The following SLC44A5 variants were observed in gnomAD, a reference collection of about 807,000 sequenced individuals.
The protein encoded by SLC44A5 is solute carrier family 44 member 5.
A neutral mutation model predicts 101.8 loss-of-function variants in SLC44A5; 57 were observed. The ratio of observed to expected loss-of-function variants is 0.56; its 90% CI spans 0.45 to 0.70. SLC44A5 has a LOEUF of 0.70. Among genes scored for constraint, SLC44A5 ranks in the 30% least tolerant of loss-of-function variants. SLC44A5 has a pLI of 0.00. For synonymous variants in SLC44A5, 281 were observed against 290.9 expected (o/e 0.97, Z 0.35); for missense variants, 737 against 853.1 (o/e 0.86, Z 1.70).
intron 1 of SLC44A5, among the ~76,000 whole-genome samples, chr1:75,576,117 G>A (rs1673346886): frequency 6.6e-6 from 1 of 151,868 alleles, no homozygotes; most frequent in East Asian, 1.9e-4. Context: ...TGGGGGCGGG[G>A]AGTGGGAGAG....
chr1:75,701,179 C>T, the SLC44A5 span, among the ~76,000 whole-genome samples: 8 of 152,156 alleles, frequency 5.3e-5, no homozygotes, highest in Non-Finnish European at 1.0e-4. Flanking sequence ...CATCCTGATA[C>T]CAAAGCCTGG....
chr1:75,391,109 T>A (rs1044997688), intron 3 of SLC44A5, among the ~76,000 whole-genome samples: 1 of 151,578 alleles, frequency 6.6e-6, no homozygotes, highest in Non-Finnish European at 1.5e-5. Context: ...AAAAATAAAA[T>A]AAAATACCTA....
At chr1:75,411,826 T>C (rs913684531) in intron 2 of SLC44A5, among the ~76,000 whole-genome samples, 5 of 152,136 alleles carry the variant, frequency 3.3e-5, no homozygotes, top group African/African-American at 9.7e-5. Flanking sequence ...TTAACAGCTG[T>C]CACAGCACAA....
chr1:75,238,000 T>A (rs1298215082), intron 10 of SLC44A5, among the ~76,000 whole-genome samples: 1 of 152,006 alleles, frequency 6.6e-6, no homozygotes, highest in Non-Finnish European at 1.5e-5. Flanking sequence ...ACCATGTGTG[T>A]AGAGCCAAGG....
At position 75,327,210 on chromosome 1, in the gene SLC44A5, G is replaced by A. The variant is rs576424400; in HGVS notation, c.101+12372C>T. The stretch of plus-strand genomic sequence containing the variant: ...TGCCAACATGAAGAAATTGTTTCCT[G>A]AAGACATTCAGTAAATAAATAGAAG... On this transcript the variant is annotated intron_variant, in intron 4 of 23. Transcript: ENST00000370859. 3.5e-4 allele frequency among the ~76,000 whole-genome samples: 53 copies of A among 152,114 alleles called. No homozygotes were observed. In the South Asian group the frequency reaches 4.6e-3, roughly 13 times the overall value.
chr1:75,583,189 T>C (rs1348415594), intron 1 of SLC44A5, among the ~76,000 whole-genome samples: 1 of 152,104 alleles, frequency 6.6e-6, no homozygotes, highest in African/African-American at 2.4e-5. Flanking sequence ...ACTCCTTTCT[T>C]CTCTCCCTAT....
At chr1:75,360,083 A>G (rs1445262994) in intron 3 of SLC44A5, among the ~76,000 whole-genome samples, 1 of 152,094 alleles carries the variant, frequency 6.6e-6, no homozygotes, top group Admixed American at 6.6e-5. Flanking sequence ...TATCAGATGT[A>G]TGGTTTGAAA....
the SLC44A5 span, among the ~76,000 whole-genome samples, chr1:75,639,500 C>T: frequency 1.3e-5 from 2 of 152,056 alleles, no homozygotes; most frequent in African/African-American, 2.4e-5. Flanking sequence ...CTAAATACCT[C>T]TAAATTATTC....
intron 5 of SLC44A5, among the ~76,000 whole-genome samples, chr1:75,296,842 C>T (rs1654005095): frequency 6.6e-6 from 1 of 152,180 alleles, no homozygotes; most frequent in African/African-American, 2.4e-5. Flanking sequence ...CCCAAACTCA[C>T]TGGCTTAATA....
intron 5 of SLC44A5, among the ~76,000 whole-genome samples, chr1:75,290,083 G>A (rs531463691): frequency 6.6e-6 from 1 of 152,322 alleles, no homozygotes; most frequent in South Asian, 2.1e-4. Context: ...AAGATTATGT[G>A]TGGGTTTTGA....
the SLC44A5 span, among the ~76,000 whole-genome samples, chr1:75,687,966 C>T: frequency 3.3e-5 from 5 of 152,190 alleles, no homozygotes; most frequent in Admixed American, 6.5e-5. Flanking sequence ...AAAGTCTTCT[C>T]ATTCCCTGAA....
intron 2 of SLC44A5, among the ~76,000 whole-genome samples, chr1:75,492,668 C>G (rs1392787296): frequency 1.3e-5 from 2 of 151,896 alleles, no homozygotes; most frequent in East Asian, 3.9e-4. Flanking sequence ...GCCATAAAGG[C>G]AAAGATAAAG....
chr1:75,298,426 T>C (rs1362806330), intron 5 of SLC44A5, among the ~76,000 whole-genome samples: 4 of 152,266 alleles, frequency 2.6e-5, no homozygotes, highest in Non-Finnish European at 5.9e-5. Context: ...ATCTGCCAAT[T>C]TCCTTATGTG....
intron 3 of SLC44A5, among the ~76,000 whole-genome samples, chr1:75,344,858 A>G (rs1658133018): frequency 6.6e-6 from 1 of 152,158 alleles, no homozygotes; most frequent in African/African-American, 2.4e-5. Context: ...TCATTACCAC[A>G]GCAATAGGAA....
At chr1:75,259,282 G>T (rs1355567229) in intron 6 of SLC44A5, among the ~76,000 whole-genome samples, 1 of 152,132 alleles carries the variant, frequency 6.6e-6, no homozygotes, top group East Asian at 1.9e-4. Flanking sequence ...AGAACCTTGA[G>T]AAAAGGTTAG....
chr1:75,234,354 T>C (rs1647876573), intron 11 of SLC44A5, among the ~76,000 whole-genome samples: 1 of 152,118 alleles, frequency 6.6e-6, no homozygotes, highest in Non-Finnish European at 1.5e-5. Flanking sequence ...CTAGTATCAG[T>C]CATTGTTCAA....
In SLC44A5 at chr1:75,441,274, T is replaced by C. The variant is rs145517731; in HGVS notation, c.14-44653A>G. ...TCATTAGACAAAACTATTCTGCCAT[T>C]TATGCAACATATTCAGCATTCCTGA... On this transcript the variant is annotated intron_variant, in intron 2 of 23. Transcript: ENST00000370859. Among the ~76,000 whole-genome samples, 309 of 152,212 alleles carry C rather than the reference T, an allele frequency of 2.0e-3. 1 individual carries two copies. Among genetic ancestry groups the C allele is most frequent in the Admixed American group, 0.012 (186 of 15,264 alleles).
At chr1:75,661,308 T>C in the SLC44A5 span, among the ~76,000 whole-genome samples, 2 of 148,628 alleles carry the variant, frequency 1.3e-5, no homozygotes, top group African/African-American at 2.5e-5. Flanking sequence ...TAGAACTCTA[T>C]TTCTCATATA....
chr1:75,276,270 G>T (rs1022042995), intron 5 of SLC44A5, among the ~76,000 whole-genome samples: 17 of 152,026 alleles, frequency 1.1e-4, no homozygotes, highest in Non-Finnish European at 2.4e-4. Context: ...ATAAAAAAGT[G>T]GACTACAAAT....
Sources: allele counts gnomAD v4.1 joint callset (sites outside exome capture counted in the v4.1 genomes callset), GRCh38; gene constraint gnomAD v4.1.1; transcripts MANE v1.5; gene names NCBI Gene and HGNC (gene_info 2026-07-23, HGNC 2026-07-21).